Variants in LUZP2 observed in about 807,000 individuals in gnomAD.
LUZP2 encodes leucine zipper protein 2.
A neutral mutation model predicts 51.6 loss-of-function variants in LUZP2; 52 were observed. The observed-to-expected ratio is 1.01, with a 90% confidence interval of 0.81 to 1.27. The LOEUF is 1.27. Ranked by LOEUF, LUZP2 falls within the 50% of genes most tolerant of loss-of-function variation. The pLI is 0.00. For missense variants in LUZP2, 436 were observed against 395.4 expected (o/e 1.10, Z -0.87); for synonymous variants, 154 against 137.3 (o/e 1.12, Z -0.85).
chr11:24,703,714 A>T (rs938399138), intron 1 of LUZP2, among the ~76,000 whole-genome samples: 2 of 152,004 alleles, frequency 1.3e-5, no homozygotes, highest in Non-Finnish European at 2.9e-5. Context: ...CTGTAATCCC[A>T]CCTACTTGGG....
intron 5 of LUZP2, among the ~76,000 whole-genome samples, chr11:24,864,532 T>C (rs546014885): frequency 2.0e-5 from 3 of 152,324 alleles, no homozygotes; most frequent in Non-Finnish European, 2.9e-5. Context: ...GTTTCTCTCT[T>C]TCCATTGCTG....
chr11:24,617,998 C>T (rs2175150), intron 1 of LUZP2, among the ~76,000 whole-genome samples: 33,537 of 152,018 alleles, frequency 0.22, 4,558 homozygotes, highest in African/African-American at 0.38. Flanking sequence ...TGCCTTATTA[C>T]TACTGCCAGA....
intron 7 of LUZP2, among the ~76,000 whole-genome samples, chr11:24,942,099 G>C (rs537395840): frequency 6.6e-6 from 1 of 152,136 alleles, no homozygotes; most frequent in Admixed American, 6.5e-5. Context: ...AGCACAGTTT[G>C]TTTCCCTGTT....
At chr11:24,579,515 C>T (rs12293822) in intron 1 of LUZP2, among the ~76,000 whole-genome samples, 25,155 of 151,966 alleles carry the variant, frequency 0.17, 2,280 homozygotes, top group African/African-American at 0.21. Context: ...TGTAACTACT[C>T]AAATTGCTTA....
chr11:24,588,873 C>A (rs1486597364), intron 1 of LUZP2, among the ~76,000 whole-genome samples: 10 of 152,034 alleles, frequency 6.6e-5, no homozygotes, highest in Admixed American at 5.9e-4. Flanking sequence ...AGAAGATCCT[C>A]ACTTCATATT....
intron 1 of LUZP2, among the ~76,000 whole-genome samples, chr11:24,506,746 C>A (rs1850156485): frequency 6.6e-6 from 1 of 151,990 alleles, no homozygotes; most frequent in Non-Finnish European, 1.5e-5. Context: ...ATATATGATT[C>A]ATCACTAGGG....
chr11:24,872,281 G>A (rs1156865701), intron 5 of LUZP2, among the ~76,000 whole-genome samples: 4 of 152,040 alleles, frequency 2.6e-5, no homozygotes, highest in Non-Finnish European at 4.4e-5. Flanking sequence ...TTGTGATGAA[G>A]GAGGTTTGTT....
At chr11:24,584,244 C>T (rs938771382) in intron 1 of LUZP2, among the ~76,000 whole-genome samples, 12 of 152,144 alleles carry the variant, frequency 7.9e-5, no homozygotes, top group Non-Finnish European at 4.4e-5. Context: ...TTTTCTACCA[C>T]CACGCATAAA....
At chr11:24,943,675 C>T (rs574479322) in intron 7 of LUZP2, among the ~76,000 whole-genome samples, 4 of 151,974 alleles carry the variant, frequency 2.6e-5, no homozygotes, top group Admixed American at 1.3e-4. Flanking sequence ...GTCAGGAGTT[C>T]GAGACCAGCC....
intron 10 of LUZP2, among the ~76,000 whole-genome samples, chr11:25,072,720 T>G (rs1279873896): frequency 1.3e-5 from 2 of 152,112 alleles, no homozygotes; most frequent in Admixed American, 6.6e-5. Flanking sequence ...AATTATGTTG[T>G]TTCCAAGGGA....
intron 1 of LUZP2, among the ~76,000 whole-genome samples, chr11:24,660,028 CA>C (rs1253258327): frequency 1.3e-5 from 2 of 151,982 alleles, no homozygotes; most frequent in African/African-American, 4.8e-5. Context: ...TCTAATCAAA[CA>C]AACCCTTTGA....
At chr11:24,566,572 A>G (rs1852228000) in intron 1 of LUZP2, among the ~76,000 whole-genome samples, 1 of 141,024 alleles carries the variant, frequency 7.1e-6, no homozygotes, top group Non-Finnish European at 1.5e-5. Flanking sequence ...ATATATATCT[A>G]TACACATATA....
intron 5 of LUZP2, among the ~76,000 whole-genome samples, chr11:24,860,708 A>G (rs1349000237): frequency 6.6e-6 from 1 of 152,118 alleles, no homozygotes; most frequent in African/African-American, 2.4e-5. Flanking sequence ...ATACAAAAGA[A>G]GGACCTGACT....
At chr11:24,641,002 TA>T (rs2133945028) in intron 1 of LUZP2, among the ~76,000 whole-genome samples, 1 of 114,070 alleles carries the variant, frequency 8.8e-6, no homozygotes, top group African/African-American at 3.4e-5. Context: ...GATATAGATA[TA>T]GATATAGATA....
At chr11:24,781,232 G>A (rs1849081615) in intron 5 of LUZP2, among the ~76,000 whole-genome samples, 1 of 151,990 alleles carries the variant, frequency 6.6e-6, no homozygotes, top group South Asian at 2.1e-4. Flanking sequence ...GTGCCATGGT[G>A]GTTTACTTTC....
intron 1 of LUZP2, among the ~76,000 whole-genome samples, chr11:24,600,170 TTAC>T (rs1182843087): frequency 8.5e-6 from 1 of 117,030 alleles, no homozygotes; most frequent in Non-Finnish European, 1.7e-5. Flanking sequence ...ATAATGTAGA[TTAC>T]AACACACACA....
At chr11:25,041,356 TTCTC>T (rs1858052858) in intron 9 of LUZP2, among the ~76,000 whole-genome samples, 1 of 152,154 alleles carries the variant, frequency 6.6e-6, no homozygotes, top group Non-Finnish European at 1.5e-5. Flanking sequence ...AATGTGGTCT[TTCTC>T]TTTCTTACTC....
At chr11:24,740,172 T>G (rs1162447109) in intron 4 of LUZP2, among the ~76,000 whole-genome samples, 1 of 152,164 alleles carries the variant, frequency 6.6e-6, no homozygotes, top group Non-Finnish European at 1.5e-5. Context: ...GTTTGTTTCT[T>G]TACTGAAAAA....
At chr11:24,548,011 T>C (rs749464112) in intron 1 of LUZP2, among the ~76,000 whole-genome samples, 3 of 152,028 alleles carry the variant, frequency 2.0e-5, no homozygotes, top group Non-Finnish European at 4.4e-5. Flanking sequence ...TATCATCTCA[T>C]ACAAGTCAGA....
Sources: allele counts gnomAD v4.1 joint callset (sites outside exome capture counted in the v4.1 genomes callset), GRCh38; gene constraint gnomAD v4.1.1; transcripts MANE v1.5; gene names NCBI Gene and HGNC (gene_info 2026-07-23, HGNC 2026-07-21).